The following EDDM3A variants were observed in gnomAD, a reference collection of about 807,000 sequenced individuals.
EDDM3A encodes the protein epididymal protein 3A, also known as epididymal secretory protein E3-alpha.
For synonymous variants in EDDM3A, 75 were observed against 60.4 expected (o/e 1.24, Z -1.12); for missense variants, 199 against 177.4 (o/e 1.12, Z -0.69).
the EDDM3A span, among the ~76,000 whole-genome samples, chr14:20,737,061 T>C: frequency 6.8e-5 from 8 of 117,532 alleles, no homozygotes; most frequent in African/African-American, 1.5e-4. Context: ...TTCCTTTTTT[T>C]TTTTTTTTTG....
chr14:20,745,398 C>T (rs753850701), upstream of EDDM3A, among the ~76,000 whole-genome samples: 3 of 150,320 alleles, frequency 2.0e-5, no homozygotes, highest in South Asian at 4.2e-4. Context: ...TGGTGACAGG[C>T]GCCTATAGTC....
At chr14:20,739,434 G>A in the EDDM3A span, among the ~76,000 whole-genome samples, 1 of 152,104 alleles carries the variant, frequency 6.6e-6, no homozygotes, top group Non-Finnish European at 1.5e-5. Flanking sequence ...CTCTTTTGTG[G>A]ACCTTATAGG....
chr14:20,739,878 G>A, the EDDM3A span, among the ~76,000 whole-genome samples: 1 of 152,150 alleles, frequency 6.6e-6, no homozygotes, highest in Non-Finnish European at 1.5e-5. Flanking sequence ...CCTATAGGTA[G>A]AAACTCACAA....
At chr14:20,736,338 G>A in the EDDM3A span, among the ~76,000 whole-genome samples, 8 of 152,150 alleles carry the variant, frequency 5.3e-5, no homozygotes, top group Non-Finnish European at 1.5e-5. Context: ...TCAGACTCCC[G>A]ACCTCGGGTG....
At chr14:20,741,709 G>A (rs1462669663), upstream of EDDM3A, among the ~76,000 whole-genome samples, 1 of 152,192 alleles carries the variant, frequency 6.6e-6, no homozygotes, top group Non-Finnish European at 1.5e-5. Flanking sequence ...GGGATCTGGG[G>A]CTAAGAACTT....
upstream of EDDM3A, among the ~76,000 whole-genome samples, chr14:20,741,552 C>A (rs557803419): frequency 6.6e-6 from 1 of 152,280 alleles, no homozygotes; most frequent in African/African-American, 2.4e-5. Flanking sequence ...GGGACCCAGG[C>A]TCCCTATAAG....
chr14:20,745,322 C>G (rs1163720712), upstream of EDDM3A, among the ~76,000 whole-genome samples: 2 of 151,508 alleles, frequency 1.3e-5, no homozygotes, highest in African/African-American at 2.4e-5. Flanking sequence ...GTCAGGAGAT[C>G]GAGACCATCC....
chr14:20,742,992 T>C (rs1039567002), upstream of EDDM3A, among the ~76,000 whole-genome samples: 1 of 152,158 alleles, frequency 6.6e-6, no homozygotes, highest in Non-Finnish European at 1.5e-5. Context: ...ACTTTGACCT[T>C]CTCAAGTGTT....
chr14:20,736,856 G>A, the EDDM3A span, among the ~76,000 whole-genome samples: 5 of 151,916 alleles, frequency 3.3e-5, no homozygotes, highest in Admixed American at 1.3e-4. Context: ...GATTATAGGC[G>A]TGAGCCACCA....
chr14:20,740,612 T>A, the EDDM3A span, among the ~76,000 whole-genome samples: 4 of 152,216 alleles, frequency 2.6e-5, no homozygotes, highest in Non-Finnish European at 5.9e-5. Context: ...GTGGAACTAT[T>A]CCTGGGCTCT....
At chr14:20,739,004 C>T in the EDDM3A span, among the ~76,000 whole-genome samples, 16 of 152,178 alleles carry the variant, frequency 1.1e-4, no homozygotes, top group Non-Finnish European at 1.5e-4. Flanking sequence ...CTTATGAATG[C>T]ACGTTACCCT....
intron 1 of EDDM3A, 134 bp downstream of exon 1, chr14:20,746,126 T>G (rs556144460): frequency 2.6e-5 from 4 of 152,450 alleles, no homozygotes; most frequent in African/African-American, 9.6e-5. Context: ...CTGGTTAGCC[T>G]CAGTCCCACT....
the EDDM3A span, among the ~76,000 whole-genome samples, chr14:20,740,716 C>G: frequency 4.3e-5 from 6 of 141,112 alleles, no homozygotes; most frequent in Non-Finnish European, 7.4e-5. Flanking sequence ...GTCACTGAGG[C>G]TGGAATGCAG....
chr14:20,741,776 C>T (rs1448128644), upstream of EDDM3A, among the ~76,000 whole-genome samples: 2 of 152,148 alleles, frequency 1.3e-5, no homozygotes, highest in African/African-American at 2.4e-5. Flanking sequence ...CCAGCTAGTA[C>T]CCTCCATATT....
chr14:20,739,688 G>T, the EDDM3A span, among the ~76,000 whole-genome samples: 1 of 152,154 alleles, frequency 6.6e-6, no homozygotes, highest in South Asian at 2.1e-4. Flanking sequence ...CACATCCATT[G>T]TGTTAATTTG....
chr14:20,736,750 A>T, the EDDM3A span, among the ~76,000 whole-genome samples: 10 of 152,146 alleles, frequency 6.6e-5, no homozygotes, highest in Non-Finnish European at 1.5e-4. Flanking sequence ...TCACTCTGTC[A>T]CCCAGGCTGG....
In EDDM3A at chr14:20,747,815, G is replaced by T. The variant is rs115258284; in HGVS notation, c.235G>T (p.Ala79Ser). The T allele has an allele frequency of 3.7e-4, 599 of 1,614,140 alleles. 4 individuals carry two copies. In the African/African-American group the frequency reaches 7.2e-3, roughly 19 times the overall value. The change falls in exon 2 of 2, where the codon GCA becomes TCA. Residue 79 changes from alanine (A) to serine (S), a missense_variant. By Grantham distance (99) the Ala-to-Ser change is moderately conservative. Coordinates refer to ENST00000326842, the MANE Select transcript of EDDM3A (RefSeq NM_006683.5). ...TAGCTTATGGTTCAAAATTCAGCGT[G>T]CATGCATCAATGAGAAGGGGAGCGA... ...IYSLWFKIQR[A>S]CINEKGSDRY... is the part of the protein sequence containing the mutation.
chr14:20,742,494 C>T (rs1877463884), upstream of EDDM3A, among the ~76,000 whole-genome samples: 1 of 152,244 alleles, frequency 6.6e-6, no homozygotes, highest in South Asian at 2.1e-4. Flanking sequence ...CCTCGTGTAA[C>T]CACGATAGGT....
intron 1 of EDDM3A, 71 bp downstream of exon 1, chr14:20,746,063 AGATAGCAAACAATGGAGAAG>A (rs1370103224): frequency 6.6e-6 from 1 of 152,290 alleles, no homozygotes; most frequent in Non-Finnish European, 1.5e-5. Flanking sequence ...TTGAACTTTT[AGATAGCAAACAATGGAGAAG>A]GATCCAAATC....
Sources: allele counts gnomAD v4.1 joint callset (sites outside exome capture counted in the v4.1 genomes callset), GRCh38; gene constraint gnomAD v4.1.1; transcripts MANE v1.5; gene names NCBI Gene and HGNC (gene_info 2026-07-23, HGNC 2026-07-21).